The following TMEM114 variants were observed in gnomAD, a reference collection of about 807,000 sequenced individuals.
TMEM114 encodes claudin-26.
TMEM114 carries 6 observed loss-of-function variants against 6.2 expected under a neutral mutation model. The observed-to-expected ratio is 0.97, with a 90% CI of 0.53 to 1.91. TMEM114 has a LOEUF of 1.91. Among genes scored for constraint, TMEM114 ranks in the 40% most tolerant of loss-of-function variants. The pLI is 0.01. For synonymous variants in TMEM114, 104 were observed against 73.0 expected (o/e 1.42, Z -2.16); for missense variants, 218 against 158.3 (o/e 1.38, Z -2.02).
chr16:8,560,417 A>C (rs1901161579), intron 2 of TMEM114, among the ~76,000 whole-genome samples: 1 of 152,066 alleles, frequency 6.6e-6, no homozygotes, highest in Non-Finnish European at 1.5e-5. Context: ...GAGCCTTGGA[A>C]CTTGCCCTGG....
chr16:8,552,817 A>G (rs1018834263), intron 2 of TMEM114, among the ~76,000 whole-genome samples: 2 of 151,684 alleles, frequency 1.3e-5, no homozygotes, highest in Admixed American at 1.3e-4. Context: ...CTGTTTCTGC[A>G]CAAACCCCTC....
chr16:8,569,375 G>T, downstream of TMEM114: 1 of 862,030 alleles, frequency 1.2e-6, no homozygotes. Flanking sequence ...CGCATTACAG[G>T]GCCCAGGAGG....
chr16:8,570,040 C>G, intron 3 of TMEM114, 35 bp from the exon 4 acceptor site: 1 of 1,522,674 alleles, frequency 6.6e-7, no homozygotes, highest in Non-Finnish European at 8.9e-7. Flanking sequence ...AGATCAATCC[C>G]CCACCCCGCC....
At chr16:8,577,321 C>T (rs1332322238) in intron 2 of TMEM114, among the ~76,000 whole-genome samples, 1 of 152,170 alleles carries the variant, frequency 6.6e-6, no homozygotes, top group Non-Finnish European at 1.5e-5. Context: ...ACAGCTACTG[C>T]GCTGGACTCA....
chr16:8,576,432 A>G (rs1216224574), intron 2 of TMEM114, among the ~76,000 whole-genome samples: 2 of 152,122 alleles, frequency 1.3e-5, no homozygotes, highest in Admixed American at 6.6e-5. Flanking sequence ...TGAGTAATAA[A>G]CCCCAACTTG....
At chr16:8,571,951 C>A (rs1047370100) in intron 3 of TMEM114, 136 bp downstream of exon 3, 7 of 1,147,624 alleles carry the variant, frequency 6.1e-6, no homozygotes, top group Non-Finnish European at 7.2e-6. Flanking sequence ...TCATCTCTTC[C>A]AACTGATATC....
intron 2 of TMEM114, among the ~76,000 whole-genome samples, chr16:8,553,403 T>C (rs4564546): frequency 0.42 from 63,424 of 151,842 alleles, 13,594 homozygotes; most frequent in East Asian, 0.52. Flanking sequence ...AGGACTTGAA[T>C]CTTTTTTTGG....
chr16:8,539,160 T>C (rs572507293), intron 2 of TMEM114, among the ~76,000 whole-genome samples: 35 of 152,306 alleles, frequency 2.3e-4, no homozygotes, highest in South Asian at 1.2e-3. Flanking sequence ...ATGTGACCCA[T>C]ATGAATAACG....
chr16:8,543,065 C>T (rs1370828543), intron 2 of TMEM114, among the ~76,000 whole-genome samples: 4 of 152,098 alleles, frequency 2.6e-5, no homozygotes, highest in Non-Finnish European at 4.4e-5. Context: ...CACAGCCCTT[C>T]GAAAACTTTT....
chr16:8,560,300 C>T lies in TMEM114; in HGVS notation n.213-22474G>A, dbSNP rs888444480. On this transcript the variant is annotated intron_variant and non_coding_transcript_variant, in intron 2 of 2. Transcript: ENST00000623677. ...GGTGTGAGGCACTGTGCCCAGCATG[C>T]CCAGTGATCTTGGATGCATCCTTGA... 3.9e-5 allele frequency among the ~76,000 whole-genome samples: 6 copies of T among 151,908 alleles called. No individual in the cohort carries two copies. The East Asian group carries it at 1.2e-3, about 29-fold the overall frequency.
chr16:8,536,347 A>G (rs918976214), downstream of TMEM114, among the ~76,000 whole-genome samples: 2 of 152,282 alleles, frequency 1.3e-5, no homozygotes, highest in Admixed American at 6.5e-5. Context: ...TCTTCATATA[A>G]TAATTTGTAC....
chr16:8,565,510 C>A (rs913162886), downstream of TMEM114, among the ~76,000 whole-genome samples: 8 of 152,108 alleles, frequency 5.3e-5, no homozygotes, highest in Non-Finnish European at 1.0e-4. Context: ...AAGGGACACG[C>A]GCCGTAGTCC....
chr16:8,545,741 T>G (rs1401261213), intron 2 of TMEM114, among the ~76,000 whole-genome samples: 5 of 152,216 alleles, frequency 3.3e-5, no homozygotes, highest in South Asian at 2.1e-4. Flanking sequence ...CTTCTCCAAC[T>G]ATATTACCAT....
At chr16:8,583,161 T>C (rs567318425) in intron 2 of TMEM114, among the ~76,000 whole-genome samples, 5 of 152,142 alleles carry the variant, frequency 3.3e-5, no homozygotes, top group Non-Finnish European at 7.4e-5. Flanking sequence ...CAGAATGGTG[T>C]CCAGCACACA....
intron 2 of TMEM114, among the ~76,000 whole-genome samples, chr16:8,547,371 GCTTT>G (rs138022382): frequency 0.32 from 45,656 of 142,110 alleles, 7,388 homozygotes; most frequent in East Asian, 0.49. Context: ...GAAGAGACGC[GCTTT>G]CTTTCTTTCT....
rs546758570 is a variant in TMEM114, at chr16:8,556,562, C to T, written n.213-18736G>A. Among the ~76,000 whole-genome samples the T allele has an allele frequency of 6.6e-5, 10 of 152,160 alleles. No homozygotes were observed. In the South Asian group the frequency reaches 1.7e-3, roughly 25 times the overall value. On this transcript the variant is annotated intron_variant and non_coding_transcript_variant, in intron 2 of 2. Coordinates refer to the TMEM114 transcript ENST00000623677. ...TGTTGCCCAGGCTGGAGTGCAATGG[C>T]GTGATCTTGGCTCACTGCAACCTCC...
intron 2 of TMEM114, among the ~76,000 whole-genome samples, chr16:8,542,025 G>T (rs558434650): frequency 6.6e-6 from 1 of 152,268 alleles, no homozygotes; most frequent in Admixed American, 6.5e-5. Context: ...GGACAGCATG[G>T]TGACCAAGAA....
chr16:8,558,369 T>C (rs1372136523), intron 2 of TMEM114, among the ~76,000 whole-genome samples: 3 of 152,182 alleles, frequency 2.0e-5, no homozygotes, highest in African/African-American at 4.8e-5. Context: ...TCCAGGTGCA[T>C]CTTGGCTTGT....
intron 2 of TMEM114, 190 bp from the exon 3 acceptor site, chr16:8,572,414 C>A (rs1041011417): frequency 7.6e-6 from 5 of 658,304 alleles, no homozygotes; most frequent in African/African-American, 5.4e-5. Flanking sequence ...TCATCTCGTG[C>A]AAGGCTGTGT....
Sources: allele counts gnomAD v4.1 joint callset (sites outside exome capture counted in the v4.1 genomes callset), GRCh38; gene constraint gnomAD v4.1.1; transcripts MANE v1.5; gene names NCBI Gene and HGNC (gene_info 2026-07-23, HGNC 2026-07-21).